Variants in NFATC1 observed in about 807,000 individuals in gnomAD.
The protein encoded by NFATC1 is nuclear factor of activated T-cells, cytoplasmic 1.
NFATC1 carries 22 observed loss-of-function variants against 76.0 expected under a neutral mutation model. The observed-to-expected ratio is 0.29, with a 90% confidence interval of 0.21 to 0.41. The LOEUF (loss-of-function observed/expected upper bound fraction) is 0.41. Among genes scored for constraint, NFATC1 ranks in the 10% least tolerant of loss-of-function variants. NFATC1 has a pLI of 1.00. For synonymous variants in NFATC1, 704 were observed against 613.1 expected, an observed-to-expected ratio of 1.15 and a Z score of -2.19; for missense variants, 1,357 against 1,337.7, an observed-to-expected ratio of 1.01 and a Z score of -0.23.
rs556960763 is a variant in NFATC1, at chr18:79,411,289, C to T, written c.1014C>T (p.Thr338=). The change falls in exon 2 of 10, where the codon ACC becomes ACT. Residue 338 remains threonine, a synonymous_variant. Coordinates refer to ENST00000427363, the MANE Select transcript of NFATC1 (RefSeq NM_001278669.2). ...GDGVPVKSRK[T]TLEQPPSVAL... Reference sequence around the variant, plus strand: ...GCGTCCCTGTCAAGTCCCGCAAGACCACCCTGGAGCAGCCGCCCTCAGTGG... The same window carrying T: ...GCGTCCCTGTCAAGTCCCGCAAGACTACCCTGGAGCAGCCGCCCTCAGTGG... 5.0e-6 allele frequency: 8 copies of T among 1,603,232 alleles called. No homozygotes were observed. Among genetic ancestry groups the T allele is most frequent in the South Asian group, 2.2e-5 (2 of 90,984 alleles).
chr18:79,476,554 C>T lies in NFATC1; in HGVS notation c.2092+8972C>T, dbSNP rs142842034. Among the ~76,000 whole-genome samples the T allele has an allele frequency of 5.3e-3, 800 of 152,330 alleles. 11 individuals carry two copies. Among genetic ancestry groups the T allele is most frequent in the African/African-American group, 0.018 (739 of 41,582 alleles). On this transcript the variant is annotated intron_variant, in intron 8 of 9. Coordinates refer to ENST00000427363, the MANE Select transcript of NFATC1 (RefSeq NM_001278669.2). ...CCTCGCTGCCGTGCTGTCCTGGCCC[C>T]GTCGCTGCCACCTGAGACCCCCATC...
chr18:79,448,982 C>A lies in NFATC1; in HGVS notation c.1587C>A (p.Ala529=), dbSNP rs770764215. ...TCCTGCCGGAGAACAGCATGCGAGC[C>A]GTGTAAGCCGCGGGGGACCTCCGGC... is the stretch of plus-strand genomic sequence containing the variant. The part of the protein sequence containing the change: ...IPLLPENSMR[A]VIDCAGILKL... Residue 529 remains alanine (A), a splice_region_variant and synonymous_variant, in exon 4 of 10, where the codon GCC becomes GCA. Transcript: ENST00000427363. 3 of 1,612,802 alleles carry A rather than the reference C, an allele frequency of 1.9e-6. No individual in the cohort carries two copies. Among genetic ancestry groups the A allele is most frequent in the Admixed American group, 1.7e-5 (1 of 59,998 alleles).
At chr18:79,514,111 G>A (rs1468692430) in intron 9 of NFATC1, among the ~76,000 whole-genome samples, 1 of 152,156 alleles carries the variant, frequency 6.6e-6, no homozygotes. Flanking sequence ...GCAGGGATTG[G>A]CGTTCCCATC....
chr18:79,457,906 C>T (rs1378543698), intron 6 of NFATC1, among the ~76,000 whole-genome samples: 1 of 152,210 alleles, frequency 6.6e-6, no homozygotes, highest in Non-Finnish European at 1.5e-5. Context: ...CAGGTCCCCT[C>T]GTTGGCACAG....
chr18:79,451,599 A>G, intron 5 of NFATC1, 77 bp from the exon 6 acceptor site: 1 of 1,401,472 alleles, frequency 7.1e-7, no homozygotes, highest in Non-Finnish European at 9.3e-7. Flanking sequence ...CTCACGTGTG[A>G]CCTGCTGGGT....
intron 9 of NFATC1, among the ~76,000 whole-genome samples, chr18:79,504,104 T>A (rs1192056480): frequency 6.6e-6 from 1 of 152,222 alleles, no homozygotes; most frequent in African/African-American, 2.4e-5. Flanking sequence ...AATAAGGCTG[T>A]TCCGCCCTCT....
chr18:79,466,137 A>G (rs950058802), intron 7 of NFATC1, among the ~76,000 whole-genome samples: 1 of 152,214 alleles, frequency 6.6e-6, no homozygotes, highest in Non-Finnish European at 1.5e-5. Context: ...TCTGGGCCTC[A>G]GCTGTTTCAT....
intron 2 of NFATC1, among the ~76,000 whole-genome samples, chr18:79,412,127 C>T (rs1173744598): frequency 6.6e-6 from 1 of 152,242 alleles, no homozygotes; most frequent in African/African-American, 2.4e-5. Context: ...CGCCTTCCTT[C>T]TTTGGGTCCC....
intron 1 of NFATC1, 81 bp downstream of exon 1, chr18:79,396,432 C>G: frequency 1.0e-6 from 1 of 970,304 alleles, no homozygotes; most frequent in Non-Finnish European, 1.3e-6. Context: ...GCCCCCGTCG[C>G]CCGCACGGAG....
intron 2 of NFATC1, among the ~76,000 whole-genome samples, chr18:79,413,582 T>G (rs2085771935): frequency 6.6e-6 from 1 of 152,204 alleles, no homozygotes; most frequent in Non-Finnish European, 1.5e-5. Context: ...GTAAAGACCC[T>G]CTCTCCAGAC....
intron 2 of NFATC1, among the ~76,000 whole-genome samples, chr18:79,427,007 C>T (rs2086362846): frequency 6.6e-6 from 1 of 152,180 alleles, no homozygotes; most frequent in Non-Finnish European, 1.5e-5. Context: ...GGTGGGGGCT[C>T]CATGTCTGCA....
intron 1 of NFATC1, among the ~76,000 whole-genome samples, chr18:79,409,798 C>CT (rs1330189785): frequency 1.3e-5 from 2 of 152,200 alleles, no homozygotes; most frequent in South Asian, 2.1e-4. Flanking sequence ...GCAGAATAGA[C>CT]TAAGGCGTCC....
intron 1 of NFATC1, among the ~76,000 whole-genome samples, chr18:79,400,825 C>CCCCCCGCCCCCT (rs2085190606): frequency 8.5e-5 from 2 of 23,568 alleles, no homozygotes; most frequent in Non-Finnish European, 2.0e-4. Context: ...ACCTCCCCGA[C>CCCCCCGCCCCCT]CCCCCGACCC....
At chr18:79,411,723 G>A (rs988404422) in intron 2 of NFATC1, among the ~76,000 whole-genome samples, 7 of 152,188 alleles carry the variant, frequency 4.6e-5, no homozygotes, top group East Asian at 1.9e-4. Context: ...CTCTGCCTCC[G>A]TCTGCGCGTT....
At chr18:79,469,500 A>G in intron 8 of NFATC1, 1 of 985,540 alleles carries the variant, frequency 1.0e-6, no homozygotes, top group Non-Finnish European at 1.2e-6. Context: ...TGCTACCTCC[A>G]GTCCACACCC....
intron 9 of NFATC1, among the ~76,000 whole-genome samples, chr18:79,513,081 C>G (rs555910608): frequency 1.8e-4 from 28 of 152,340 alleles, no homozygotes; most frequent in African/African-American, 6.5e-4. Flanking sequence ...GTATCACTTT[C>G]GAACGCTCGG....
At chr18:79,448,446 C>G in intron 3 of NFATC1, 2 of 346,128 alleles carry the variant, frequency 5.8e-6, no homozygotes, top group Non-Finnish European at 1.1e-5. Context: ...ATTGGTGAAG[C>G]GAGCCTTGCA....
At position 79,451,000 on chromosome 18, in the gene NFATC1, C is replaced by A; in HGVS notation, c.1636C>A (p.Leu546Ile). ...ILKLRNSDIE[L>I]RKGETDIGRK... ...GAAACTCAGAAACTCCGACATTGAA[C>A]TTCGGAAAGGAGAGACGGACATCGG... Residue 546 changes from leucine to isoleucine, a missense_variant, in exon 5 of 10, where the codon CTT (leucine) becomes ATT (isoleucine). Coordinates refer to ENST00000427363, the MANE Select transcript of NFATC1 (RefSeq NM_001278669.2). The A allele has an allele frequency of 6.2e-7, 1 of 1,613,880 alleles. No individual in the cohort carries two copies.
intron 8 of NFATC1, among the ~76,000 whole-genome samples, chr18:79,478,642 G>A (rs1487223188): frequency 3.9e-5 from 6 of 152,230 alleles, no homozygotes; most frequent in Non-Finnish European, 1.5e-5. Flanking sequence ...TGGCCGTGGC[G>A]GGGGCTTTGG....
Sources: gnomAD v4.1 joint callset for allele counts (sites outside exome capture counted in the v4.1 genomes callset) on GRCh38, gnomAD v4.1.1 for gene constraint, MANE v1.5 for transcripts, NCBI Gene and HGNC (gene_info 2026-07-23, HGNC 2026-07-21) for gene names.